ROR1: variants seen among roughly 807,000 people sequenced by gnomAD.
The protein encoded by ROR1 is inactive tyrosine-protein kinase transmembrane receptor ROR1.
Under a neutral mutation model 78.8 loss-of-function variants are expected in ROR1, and 19 were observed. That is an observed-to-expected ratio of 0.24 (90% CI 0.17 to 0.35). The LOEUF (loss-of-function observed/expected upper bound fraction) is 0.35. Ranked by LOEUF, ROR1 falls within the 10% of genes least tolerant of loss-of-function variation. The pLI, the probability that ROR1 is intolerant of heterozygous loss-of-function variation, is 1.00. For missense variants in ROR1, 917 were observed against 1,177.8 expected (o/e 0.78, Z 3.24); for synonymous variants, 386 against 433.6 (o/e 0.89, Z 1.36).
At chr1:64,090,011 T>C (rs1297323758) in intron 4 of ROR1, among the ~76,000 whole-genome samples, 1 of 152,052 alleles carries the variant, frequency 6.6e-6, no homozygotes, top group Non-Finnish European at 1.5e-5. Context: ...CTTGCCTGCC[T>C]CCATGTAAGA....
At chr1:64,081,825 C>T (rs1285210692) in intron 4 of ROR1, among the ~76,000 whole-genome samples, 2 of 148,670 alleles carry the variant, frequency 1.3e-5, no homozygotes, top group African/African-American at 2.5e-5. Flanking sequence ...CACAAACACA[C>T]ATTTATATGC....
At chr1:64,025,599 A>G (rs1446878734) in intron 2 of ROR1, among the ~76,000 whole-genome samples, 1 of 151,720 alleles carries the variant, frequency 6.6e-6, no homozygotes, top group Non-Finnish European at 1.5e-5. Context: ...ATATATATGT[A>G]TATATACATA....
chr1:64,104,793 A>G (rs1309982142), intron 4 of ROR1, among the ~76,000 whole-genome samples: 2 of 152,182 alleles, frequency 1.3e-5, no homozygotes, highest in Non-Finnish European at 2.9e-5. Context: ...GCATGATCTC[A>G]TTCCTTTTTA....
At chr1:63,879,239 T>C (rs1645308096) in intron 1 of ROR1, among the ~76,000 whole-genome samples, 1 of 152,188 alleles carries the variant, frequency 6.6e-6, no homozygotes, top group African/African-American at 2.4e-5. Flanking sequence ...TGATGACTTT[T>C]TCCTGGCACT....
chr1:63,909,889 G>A (rs535228884), intron 1 of ROR1, among the ~76,000 whole-genome samples: 20 of 152,066 alleles, frequency 1.3e-4, no homozygotes, highest in Non-Finnish European at 2.1e-4. Context: ...GTTGTTTGGC[G>A]TGCTGCAAAA....
At position 63,774,145 on chromosome 1, in the gene ROR1, C is replaced by G. The variant is rs529129576; in HGVS notation, c.-273C>G. The G allele has an allele frequency of 4.9e-4, 98 of 200,582 alleles. 1 individual carries two copies. In the East Asian group the frequency reaches 0.012, roughly 24 times the overall value. The allele number at this position is 200,582 out of a possible 1,614,324, so 12.4% of individuals were successfully genotyped here. On this transcript the variant is annotated 5_prime_UTR_variant, in exon 1 of 9. Coordinates refer to ENST00000371079, the MANE Select transcript of ROR1 (RefSeq NM_005012.4). This position sits in a 1 kb window ranked among gnomAD's most constrained non-coding sequence, Gnocchi z 5.7. ...GGAGTCCGACCCAGGGCGACTCACG[C>G]CCACTGGTGCGACCCGGACAGCCTG...
intron 1 of ROR1, among the ~76,000 whole-genome samples, chr1:63,777,193 G>A (rs1644622180): frequency 1.3e-5 from 2 of 152,154 alleles, no homozygotes; most frequent in South Asian, 4.1e-4. Context: ...GAACCTACCT[G>A]GCCTTTCTCA....
intron 1 of ROR1, among the ~76,000 whole-genome samples, chr1:63,784,851 C>G (rs368514044): frequency 1.6e-4 from 24 of 152,310 alleles, no homozygotes; most frequent in African/African-American, 5.8e-4. Context: ...AGCAGCAATT[C>G]TTCCTTTAAG....
At chr1:64,064,200 C>T (rs1239373522) in intron 4 of ROR1, among the ~76,000 whole-genome samples, 1 of 152,182 alleles carries the variant, frequency 6.6e-6, no homozygotes, top group Non-Finnish European at 1.5e-5. Flanking sequence ...GCCCCAGCTA[C>T]ACTTAGGTTG....
At chr1:63,850,928 T>C (rs1486539532) in intron 1 of ROR1, among the ~76,000 whole-genome samples, 2 of 152,164 alleles carry the variant, frequency 1.3e-5, no homozygotes, top group Admixed American at 6.5e-5. Context: ...GCTCTCTATA[T>C]CAGCAGAGAT....
chr1:63,853,737 A>G (rs770457383), intron 1 of ROR1, among the ~76,000 whole-genome samples: 2 of 152,234 alleles, frequency 1.3e-5, no homozygotes, highest in Non-Finnish European at 2.9e-5. Flanking sequence ...TGGAGCATGA[A>G]TGAAAGTTTC....
At chr1:63,976,626 C>T (rs1010866129) in intron 1 of ROR1, among the ~76,000 whole-genome samples, 2 of 152,074 alleles carry the variant, frequency 1.3e-5, no homozygotes. Flanking sequence ...AATCTAGATC[C>T]CTGGTTTGTC....
chr1:63,988,330 C>T (rs746123421), intron 1 of ROR1, among the ~76,000 whole-genome samples: 5 of 152,114 alleles, frequency 3.3e-5, no homozygotes, highest in Non-Finnish European at 7.4e-5. Flanking sequence ...ATTTTAAAGT[C>T]GGAAGAGATC....
chr1:63,806,423 C>T (rs551862789), intron 1 of ROR1, among the ~76,000 whole-genome samples: 252 of 151,704 alleles, frequency 1.7e-3, no homozygotes, highest in Non-Finnish European at 2.7e-3. Context: ...GTTCACGCCA[C>T]TCTCCTGCCA....
chr1:63,945,721 C>A (rs1645882129), intron 1 of ROR1, among the ~76,000 whole-genome samples: 1 of 152,214 alleles, frequency 6.6e-6, no homozygotes, highest in African/African-American at 2.4e-5. Flanking sequence ...GCATTCTAAT[C>A]TCTGAAGTGA....
chr1:63,875,833 A>G (rs1371757430), intron 1 of ROR1, among the ~76,000 whole-genome samples: 1 of 152,178 alleles, frequency 6.6e-6, no homozygotes, highest in Non-Finnish European at 1.5e-5. Flanking sequence ...AAAGTCTGGT[A>G]GCTACATTGC....
rs1646511443 is a variant in ROR1, at chr1:64,015,282, C to T, written c.163+5906C>T. 2.6e-5 allele frequency among the ~76,000 whole-genome samples: 4 copies of T among 152,168 alleles called. No homozygotes were observed. The South Asian group carries it at 8.3e-4, about 32-fold the overall frequency. ...TCAAGATGAGATTTGGGTTAAGACACTCAAACCATATCAATTACCTAAGGT... is the reference window on the plus strand; with the variant it reads ...TCAAGATGAGATTTGGGTTAAGACATTCAAACCATATCAATTACCTAAGGT... On this transcript the variant is annotated intron_variant, in intron 2 of 8. Transcript: ENST00000371079.
At chr1:64,166,533 G>C (rs1368447971) in intron 8 of ROR1, among the ~76,000 whole-genome samples, 2 of 152,086 alleles carry the variant, frequency 1.3e-5, no homozygotes, top group Non-Finnish European at 2.9e-5. Context: ...TGATTTCTTT[G>C]AGCAGTGTTT....
At chr1:64,121,576 C>A (rs1648544628) in intron 4 of ROR1, among the ~76,000 whole-genome samples, 1 of 151,296 alleles carries the variant, frequency 6.6e-6, no homozygotes, top group Admixed American at 6.6e-5. Flanking sequence ...GGAATATGCA[C>A]CCTGGCGGGG....
Sources: gnomAD v4.1 joint callset for allele counts (sites outside exome capture counted in the v4.1 genomes callset) on GRCh38, gnomAD v4.1.1 for gene constraint, Gnocchi (gnomAD v3.1) non-coding constraint, MANE v1.5 for transcripts, NCBI Gene and HGNC (gene_info 2026-07-23, HGNC 2026-07-21) for gene names.